ZNF607: variants seen among roughly 807,000 people sequenced by gnomAD.
ZNF607 encodes the protein zinc finger protein 607.
A neutral mutation model predicts 12.8 loss-of-function variants in ZNF607; 5 were observed. The ratio of observed to expected loss-of-function variants is 0.39; its 90% CI spans 0.20 to 0.82. ZNF607 has a LOEUF of 0.82. ZNF607 is among the 40% of genes least tolerant of loss of function. The pLI is 0.39. For missense variants in ZNF607, 851 were observed against 859.2 expected (o/e 0.99, Z 0.12); for synonymous variants, 287 against 276.2 (o/e 1.04, Z -0.39).
intron 4 of ZNF607, chr19:37,706,436 G>A (rs1019725621): frequency 7.9e-5 from 12 of 152,302 alleles, no homozygotes; most frequent in African/African-American, 2.9e-4. Flanking sequence ...TGTTCATTGT[G>A]TGCTGTAGCT....
intron 2 of ZNF607, among the ~76,000 whole-genome samples, chr19:37,710,477 A>AAG (rs1568406830): frequency 6.3e-5 from 9 of 142,390 alleles, no homozygotes; most frequent in Non-Finnish European, 7.5e-5. Flanking sequence ...AAAAAAAAAA[A>AAG]AAAAGAAAAG....
rs2044975802 is a variant in ZNF607 at position 37,696,562 on chromosome 19, C to T, written c.*1478G>A. ...GGGGTGAGGGCGAAAGGTGGTGTTA[C>T]GAATCATCGGGGCTGTGGCCCAGTT... On this transcript the variant is annotated 3_prime_UTR_variant, in exon 5 of 5. Coordinates refer to ENST00000355202, the MANE Select transcript of ZNF607 (RefSeq NM_032689.5). 2.0e-6 allele frequency: 1 copy of T among 493,810 alleles called. No homozygotes were observed. Among genetic ancestry groups the T allele is most frequent in the Non-Finnish European group, 3.7e-6 (1 of 271,542 alleles). The allele number at this position is 493,810 out of a possible 1,614,324, so 30.6% of individuals were successfully genotyped here.
intron 4 of ZNF607, among the ~76,000 whole-genome samples, chr19:37,706,175 C>A (rs2045081385): frequency 6.8e-6 from 1 of 148,094 alleles, no homozygotes; most frequent in Non-Finnish European, 1.5e-5. Flanking sequence ...GCCTGGGCAA[C>A]AGAGCAAGAC....
intron 1 of ZNF607, among the ~76,000 whole-genome samples, chr19:37,714,346 G>A (rs199498096): frequency 0.12 from 7,923 of 65,514 alleles, 499 homozygotes; most frequent in African/African-American, 0.23. Flanking sequence ...AACAACAGCA[G>A]CAGCAGCAGC....
chr19:37,697,123 T>C lies in ZNF607; in HGVS notation c.*917A>G, dbSNP rs1599657837. 8 of 746,930 alleles carry C rather than the reference T, an allele frequency of 1.1e-5. No individual in the cohort carries two copies. Among genetic ancestry groups the C allele is most frequent in the East Asian group, 7.6e-5 (3 of 39,450 alleles). The allele number at this position is 746,930 out of a possible 1,614,324, so 46.3% of individuals were successfully genotyped here. A position where few individuals can be genotyped will look rare whatever the true frequency, so the allele number is the denominator to read the frequency against. On this transcript the variant is annotated 3_prime_UTR_variant, in exon 5 of 5. Transcript: ENST00000355202. Reference sequence around the variant, plus strand: ...TGGCTAGTGATGGGCCGGAAGAGGATGCACAGTGTGATGTTGACATTCTGT... The same window carrying C: ...TGGCTAGTGATGGGCCGGAAGAGGACGCACAGTGTGATGTTGACATTCTGT...
chr19:37,711,659 T>C lies in ZNF607; in HGVS notation c.-41A>G. On this transcript the variant is annotated 5_prime_UTR_variant, in exon 2 of 5. Transcript: ENST00000355202. ...AGAGTTGATCAGTCCTTGGCGTTTCTCTACCAGAAGAGCAAAGTCAAAAGA... is the reference window on the plus strand; with the variant it reads ...AGAGTTGATCAGTCCTTGGCGTTTCCCTACCAGAAGAGCAAAGTCAAAAGA... 3.7e-6 allele frequency: 6 copies of C among 1,611,684 alleles called. No individual in the cohort carries two copies. Among genetic ancestry groups the C allele is most frequent in the Non-Finnish European group, 5.1e-6 (6 of 1,178,076 alleles).
rs901515387 is a variant in ZNF607 at position 37,696,617 on chromosome 19, C to T, written c.*1423G>A. On this transcript the variant is annotated 3_prime_UTR_variant, in exon 5 of 5. Transcript: ENST00000355202. ...CACGGAGGTGCAGGTAGGCTGGGGC[C>T]TCACTAGGGCAGCTGGAGGAGCACG... 2 of 600,734 alleles carry T rather than the reference C, an allele frequency of 3.3e-6. No individual in the cohort carries two copies. The highest frequency in any genetic ancestry group is 3.7e-5 in the African/African-American group (2 of 53,872). 37.2% of individuals were successfully genotyped at this position (600,734 alleles called of 1,614,324 possible).
chr19:37,706,480 T>C (rs1192809847), intron 4 of ZNF607: 2 of 152,208 alleles, frequency 1.3e-5, no homozygotes, highest in African/African-American at 4.8e-5. Context: ...CTTCCAGTCT[T>C]TATTTATGTC....
chr19:37,709,935 T>C (rs2045118653), intron 2 of ZNF607, 113 bp from the exon 3 acceptor site: 1 of 1,211,934 alleles, frequency 8.3e-7, no homozygotes, highest in Non-Finnish European at 1.2e-6. Flanking sequence ...GGCGGGCAGA[T>C]CATGAGGTCA....
chr19:37,700,983 C>T (rs2045034299), intron 4 of ZNF607, among the ~76,000 whole-genome samples: 1 of 152,036 alleles, frequency 6.6e-6, no homozygotes, highest in Non-Finnish European at 1.5e-5. Context: ...GAATATTCTT[C>T]AAAGATGACC....
intron 4 of ZNF607, among the ~76,000 whole-genome samples, chr19:37,707,421 G>A (rs1378657059): frequency 6.6e-6 from 1 of 151,962 alleles, no homozygotes; most frequent in Non-Finnish European, 1.5e-5. Flanking sequence ...CCTGCTCTGG[G>A]TGACAGAGTG....
intron 3 of ZNF607, among the ~76,000 whole-genome samples, 196 bp downstream of exon 3, chr19:37,709,500 C>T (rs1465253439): frequency 1.3e-5 from 2 of 152,104 alleles, no homozygotes; most frequent in African/African-American, 4.8e-5. Context: ...GTGAATGTCA[C>T]TGAAAGATAG....
intron 4 of ZNF607, among the ~76,000 whole-genome samples, chr19:37,702,831 T>C (rs1208481158): frequency 6.6e-6 from 1 of 152,210 alleles, no homozygotes; most frequent in African/African-American, 2.4e-5. Context: ...AGAACAATTC[T>C]ATCTAGCTGG....
At position 37,699,247 on chromosome 19, in the gene ZNF607, T is replaced by C. The variant is rs1248634997; in HGVS notation, c.884A>G (p.His295Arg). 1 of 1,614,064 alleles carries C rather than the reference T, an allele frequency of 6.2e-7. No individual in the cohort carries two copies. The highest frequency in any genetic ancestry group is 2.2e-5 in the East Asian group (1 of 44,878). Residue 295 changes from histidine (H) to arginine (R), a missense_variant, in exon 5 of 5, where the codon CAC becomes CGC. By Grantham distance (29) the His-to-Arg change is conservative (BLOSUM62 0). Transcript: ENST00000355202. Reference protein sequence around the residue: ...ECGKAFRQFSHLVGHKRIHTG... With the variant: ...ECGKAFRQFSRLVGHKRIHTG... ...ATGAATTCTTTTATGACCCACAAGG[T>C]GGGAAAACTGACGAAAGGCCTTTCC...
rs751060098 is a variant in ZNF607 at position 37,699,489 on chromosome 19, T to G, written c.642A>C (p.Val214=). The G allele has an allele frequency of 1.1e-5, 18 of 1,613,812 alleles. No homozygotes were observed. Among genetic ancestry groups the G allele is most frequent in the Non-Finnish European group, 1.4e-5 (16 of 1,179,882 alleles). The change falls in exon 5 of 5, where the codon GTA becomes GTC. Residue 214 remains valine (V), a synonymous_variant. Transcript: ENST00000355202. ...TCTCACCATAATGAAATCTATGATG[T>G]ACAGTAAGTTGACGGCTAGTCCTAA... ...EAFRTSRQLT[V]HHRFHYGEKP... is the part of the protein sequence containing the mutation.
At chr19:37,701,011 A>G (rs2045034427) in intron 4 of ZNF607, among the ~76,000 whole-genome samples, 1 of 152,198 alleles carries the variant, frequency 6.6e-6, no homozygotes, top group African/African-American at 2.4e-5. Context: ...TGAAAAGTCT[A>G]AATAGTCAAT....
Position 37,699,487 on chromosome 19 carries a change from T to C in ZNF607, c.644A>G (p.His215Arg). The C allele has an allele frequency of 1.2e-6, 2 of 1,613,968 alleles. No homozygotes were observed. The highest frequency in any genetic ancestry group is 8.5e-7 in the Non-Finnish European group (1 of 1,179,894). Residue 215 changes from histidine (H) to arginine (R), a missense_variant, in exon 5 of 5, where the codon CAT (histidine) becomes CGT (arginine). Coordinates refer to ENST00000355202, the MANE Select transcript of ZNF607 (RefSeq NM_032689.5). ...TTTCTCACCATAATGAAATCTATGA[T>C]GTACAGTAAGTTGACGGCTAGTCCT... ...AFRTSRQLTV[H>R]HRFHYGEKPY...
Position 37,698,717 on chromosome 19 carries a change from T to C in ZNF607, c.1414A>G (p.Thr472Ala), listed in dbSNP as rs780139314. Residue 472 changes from threonine (T) to alanine (A), a missense_variant, in exon 5 of 5, where the codon ACA (threonine) becomes GCA (alanine). Thr to Ala is a moderately conservative substitution (Grantham distance 58). Transcript: ENST00000355202. Reference protein sequence around the residue: ...SYLVIHERIHTGEKPYVCQEC... With the variant: ...SYLVIHERIHAGEKPYVCQEC... ...TGACATACATAGGGTTTCTCTCCTGTATGAATTCTCTCATGTATAACAAGA... is the reference window on the plus strand; with the variant it reads ...TGACATACATAGGGTTTCTCTCCTGCATGAATTCTCTCATGTATAACAAGA... 1 of 1,613,248 alleles carries C rather than the reference T, an allele frequency of 6.2e-7. No individual in the cohort carries two copies. The highest frequency in any genetic ancestry group is 2.2e-5 in the East Asian group (1 of 44,840).
intron 1 of ZNF607, among the ~76,000 whole-genome samples, chr19:37,716,264 T>C (rs1385228947): frequency 6.6e-6 from 1 of 152,178 alleles, no homozygotes; most frequent in African/African-American, 2.4e-5. Flanking sequence ...AAAAAATTGA[T>C]TGGTGACTAT....
Sources: gnomAD v4.1 joint callset for allele counts (sites outside exome capture counted in the v4.1 genomes callset) on GRCh38, gnomAD v4.1.1 for gene constraint, MANE v1.5 for transcripts, NCBI Gene and HGNC (gene_info 2026-07-23, HGNC 2026-07-21) for gene names.